Variants in LMBR1 observed in about 807,000 individuals in gnomAD.
LMBR1 encodes limb development membrane protein 1, also known as limb region 1 protein homolog.
In LMBR1, 52 loss-of-function variants were observed where a neutral mutation model predicts 73.9. The observed-to-expected ratio is 0.70, with a 90% CI of 0.56 to 0.89. The LOEUF is 0.89. LMBR1 is among the 40% of genes least tolerant of loss of function. The probability of loss-of-function intolerance (pLI) is 0.00; values close to 1 mark genes in which losing one functional copy is unlikely to be tolerated. For missense variants in LMBR1, 539 were observed against 579.8 expected, an observed-to-expected ratio of 0.93 and a Z score of 0.72; for synonymous variants, 215 against 209.4, an observed-to-expected ratio of 1.03 and a Z score of -0.23.
intron 9 of LMBR1, chr7:156,736,513 C>T (rs1817899167): frequency 2.2e-6 from 1 of 453,766 alleles, no homozygotes; most frequent in Non-Finnish European, 4.4e-6. Context: ...TATCATGTCT[C>T]CTCCCTCCTG....
At chr7:156,825,998 A>G (rs1835620211) in intron 4 of LMBR1, among the ~76,000 whole-genome samples, 1 of 152,222 alleles carries the variant, frequency 6.6e-6, no homozygotes, top group Non-Finnish European at 1.5e-5. Flanking sequence ...AGTTCTTTTG[A>G]GATGGAGTTT....
intron 15 of LMBR1, among the ~76,000 whole-genome samples, chr7:156,697,270 C>T (rs1808492589): frequency 6.6e-6 from 1 of 152,166 alleles, no homozygotes; most frequent in African/African-American, 2.4e-5. Flanking sequence ...ACAAAGATCA[C>T]ATGCTTCTGA....
chr7:156,766,206 G>A (rs960952169), intron 5 of LMBR1, among the ~76,000 whole-genome samples: 1 of 152,046 alleles, frequency 6.6e-6, no homozygotes, highest in African/African-American at 2.4e-5. Context: ...TCTTAAGGTC[G>A]TACAGCAGAT....
intron 9 of LMBR1, among the ~76,000 whole-genome samples, chr7:156,737,138 A>C (rs935850129): frequency 2.6e-5 from 4 of 152,186 alleles, no homozygotes; most frequent in African/African-American, 9.7e-5. Context: ...TTGCTAAGAA[A>C]AGGTGAATGT....
chr7:156,719,590 T>C (rs1419750573), intron 15 of LMBR1, among the ~76,000 whole-genome samples: 4 of 152,016 alleles, frequency 2.6e-5, no homozygotes, highest in African/African-American at 4.8e-5. Context: ...CTTCATAGAA[T>C]TGGAAAAAAC....
At position 156,849,275 on chromosome 7, in the gene LMBR1, T is replaced by C. The variant is rs1795930802; in HGVS notation, c.67-12390A>G. On this transcript the variant is annotated intron_variant, in intron 1 of 16. Transcript: ENST00000353442. ...ACTAACACAAGAACAGGAAACCAAA[T>C]ACCACATGTTCTCATTTATAAGAGG... Among the ~76,000 whole-genome samples, 4 of 152,208 alleles carry C rather than the reference T, an allele frequency of 2.6e-5. No homozygotes were observed. In the South Asian group the frequency reaches 8.3e-4, roughly 32 times the overall value.
chr7:156,684,199 T>A (rs1274908499), intron 16 of LMBR1, 36 bp from the exon 17 acceptor site: 10 of 1,477,948 alleles, frequency 6.8e-6, no homozygotes, highest in Non-Finnish European at 9.5e-6. Flanking sequence ...AGAAATGATA[T>A]ATTGCTGAGT....
chr7:156,766,688 C>T (rs1177532753), intron 5 of LMBR1, among the ~76,000 whole-genome samples: 1 of 152,068 alleles, frequency 6.6e-6, no homozygotes, highest in Non-Finnish European at 1.5e-5. Flanking sequence ...TGAGTGTGCT[C>T]ACCCAAGTGG....
intron 15 of LMBR1, among the ~76,000 whole-genome samples, chr7:156,698,511 G>T (rs1284012442): frequency 2.0e-5 from 3 of 152,180 alleles, no homozygotes; most frequent in African/African-American, 7.2e-5. Context: ...TGAAATCTAG[G>T]TGGAGGTTCC....
At chr7:156,778,456 A>C (rs1171224803) in intron 5 of LMBR1, among the ~76,000 whole-genome samples, 1 of 152,238 alleles carries the variant, frequency 6.6e-6, no homozygotes, top group Non-Finnish European at 1.5e-5. Context: ...TCTGTGATTA[A>C]ATGAGACAAA....
At chr7:156,720,598 G>T (rs1198734074) in intron 15 of LMBR1, among the ~76,000 whole-genome samples, 1 of 151,660 alleles carries the variant, frequency 6.6e-6, no homozygotes, top group East Asian at 1.9e-4. Flanking sequence ...TTATTGCTCA[G>T]ATATAAGAAC....
chr7:156,753,998 ATCTCGAGAC>A (rs1404758303), intron 9 of LMBR1, among the ~76,000 whole-genome samples: 7 of 151,676 alleles, frequency 4.6e-5, no homozygotes, highest in Non-Finnish European at 1.0e-4. Flanking sequence ...CTAGCCTATG[ATCTCGAGAC>A]TCAGCGTCTT....
intron 1 of LMBR1, among the ~76,000 whole-genome samples, chr7:156,858,898 A>G (rs1480152964): frequency 1.3e-5 from 2 of 152,178 alleles, no homozygotes; most frequent in Non-Finnish European, 2.9e-5. Flanking sequence ...AATAAAAAAA[A>G]AATTCTCAAC....
At chr7:156,892,721 AAGGGG>A (rs1231371499) in intron 1 of LMBR1, 7 of 316,902 alleles carry the variant, frequency 2.2e-5, no homozygotes, top group East Asian at 1.1e-4. Context: ...AGAGGAAGCG[AAGGGG>A]AGGGGAGGGG....
chr7:156,720,742 A>C (rs951075054), intron 15 of LMBR1, among the ~76,000 whole-genome samples: 9 of 151,648 alleles, frequency 5.9e-5, no homozygotes, highest in African/African-American at 2.2e-4. Flanking sequence ...TAATAAAATC[A>C]TATATACTTT....
chr7:156,764,663 T>G (rs1051774509), intron 5 of LMBR1, among the ~76,000 whole-genome samples: 3 of 152,250 alleles, frequency 2.0e-5, no homozygotes, highest in African/African-American at 7.2e-5. Context: ...ATAAATTATG[T>G]TATCTCATTC....
chr7:156,869,305 G>A (rs1798925522), intron 1 of LMBR1, among the ~76,000 whole-genome samples: 2 of 151,380 alleles, frequency 1.3e-5, no homozygotes, highest in South Asian at 2.1e-4. Context: ...ATCTACTACA[G>A]ACGTGAAGAA....
intron 4 of LMBR1, among the ~76,000 whole-genome samples, chr7:156,821,976 C>T (rs1428110242): frequency 1.3e-5 from 2 of 152,200 alleles, no homozygotes; most frequent in African/African-American, 2.4e-5. Flanking sequence ...TAAACACACA[C>T]GAACATGTTT....
chr7:156,838,232 G>A (rs1838010946), intron 1 of LMBR1, among the ~76,000 whole-genome samples: 1 of 152,090 alleles, frequency 6.6e-6, no homozygotes, highest in Non-Finnish European at 1.5e-5. Context: ...TTTGTGATGA[G>A]AACACTTAAA....
Sources: gnomAD v4.1 joint callset for allele counts (sites outside exome capture counted in the v4.1 genomes callset) on GRCh38, gnomAD v4.1.1 for gene constraint, MANE v1.5 for transcripts, NCBI Gene and HGNC (gene_info 2026-07-23, HGNC 2026-07-21) for gene names.